The following PNPLA7 variants were observed in gnomAD, a reference collection of about 807,000 sequenced individuals.
PNPLA7 encodes the protein patatin like domain 7, lysophospholipase.
Under a neutral mutation model 161.7 loss-of-function variants are expected in PNPLA7, and 153 were observed. The ratio of observed to expected loss-of-function variants is 0.95; its 90% CI spans 0.83 to 1.08. The LOEUF (loss-of-function observed/expected upper bound fraction) is 1.08. PNPLA7 is among the 50% of genes least tolerant of loss of function. The pLI is 0.00. For missense variants in PNPLA7, 1,739 were observed against 1,856.6 expected (o/e 0.94, Z 1.16); for synonymous variants, 809 against 782.1 (o/e 1.03, Z -0.57).
At position 137,460,714 on chromosome 9, in the gene PNPLA7, A is replaced by G; in HGVS notation, c.3865T>C (p.Tyr1289His). The change falls in exon 34 of 35, where the codon TAC becomes CAC. Residue 1289 changes from tyrosine to histidine, a missense_variant. Physicochemically the swap from Tyr to His is moderately conservative, Grantham distance 83. Around this residue, in one of 6 missense-constraint regions of PNPLA7, gnomAD observed 703 missense variants for 694.6 expected, o/e 1.01. Coordinates refer to ENST00000406427, the MANE Select transcript of PNPLA7 (RefSeq NM_001098537.3). ...VDDESDYQTE[Y>H]EEELLDVPRD... Reference sequence around the variant, plus strand: ...GGGACGTCCAGCAGCTCCTCCTCGTACTCCGTCTGGTAGTCAGATTCGTCT... The same window carrying G: ...GGGACGTCCAGCAGCTCCTCCTCGTGCTCCGTCTGGTAGTCAGATTCGTCT... The G allele has an allele frequency of 6.2e-7, 1 of 1,612,424 alleles. No homozygotes were observed. Among genetic ancestry groups the G allele is most frequent in the Non-Finnish European group, 8.5e-7 (1 of 1,179,840 alleles).
At chr9:137,479,016 C>A in intron 24 of PNPLA7, 40 bp downstream of exon 24, 1 of 1,508,106 alleles carries the variant, frequency 6.6e-7, no homozygotes, top group South Asian at 1.3e-5. Flanking sequence ...GGAAATGAAC[C>A]ACGGAGCCAC....
At chr9:137,475,165 G>A (rs555132273) in intron 25 of PNPLA7, among the ~76,000 whole-genome samples, 4 of 152,102 alleles carry the variant, frequency 2.6e-5, no homozygotes, top group Admixed American at 6.5e-5. Flanking sequence ...AGTGTCAGTG[G>A]ATGCAAAAAG....
chr9:137,470,021 T>C (rs1831639306), intron 25 of PNPLA7, among the ~76,000 whole-genome samples: 1 of 152,164 alleles, frequency 6.6e-6, no homozygotes, highest in African/African-American at 2.4e-5. Context: ...AAATTTAATC[T>C]ATTTATTTTT....
At chr9:137,479,462 G>C (rs1832101256) in intron 23 of PNPLA7, 2 of 1,237,958 alleles carry the variant, frequency 1.6e-6, no homozygotes. Flanking sequence ...TACGGCAGGA[G>C]GGGGACGCCT....
At chr9:137,502,608 G>T (rs1204168959) in intron 14 of PNPLA7, among the ~76,000 whole-genome samples, 3 of 130,752 alleles carry the variant, frequency 2.3e-5, no homozygotes, top group Non-Finnish European at 3.2e-5. Flanking sequence ...AGGAGCCGTG[G>T]GAGGTTCTTC....
rs751169048 is a variant in PNPLA7, at chr9:137,484,812, C to T, written c.2198-76G>A. 9.9e-5 allele frequency: 145 copies of T among 1,469,006 alleles called. 1 individual carries two copies. The highest frequency in any genetic ancestry group is 8.5e-4 in the East Asian group (34 of 39,878). The allele number at this position is 1,469,006 out of a possible 1,614,324, so 91.0% of individuals were successfully genotyped here. Reference sequence around the variant, plus strand: ...TGCCTCCAGATGCCCTGGGGCCCCCCGAGGCTGCACAGGAGCAACGCAGCA... The same window carrying T: ...TGCCTCCAGATGCCCTGGGGCCCCCTGAGGCTGCACAGGAGCAACGCAGCA... On this transcript the variant is annotated intron_variant, in intron 20 of 34. Transcript: ENST00000406427.
At chr9:137,491,695 T>G in intron 20 of PNPLA7, 2 of 985,464 alleles carry the variant, frequency 2.0e-6, no homozygotes, top group Non-Finnish European at 2.4e-6. Context: ...GGCTCACACT[T>G]CGCTGCCTCT....
intron 29 of PNPLA7, 84 bp downstream of exon 29, chr9:137,463,331 C>G: frequency 8.2e-7 from 1 of 1,218,964 alleles, no homozygotes; most frequent in Non-Finnish European, 1.2e-6. Context: ...CTTCTTGGAG[C>G]GGAGGCAGCT....
chr9:137,532,708 C>T (rs1356703736), intron 8 of PNPLA7, among the ~76,000 whole-genome samples: 1 of 152,146 alleles, frequency 6.6e-6, no homozygotes. Flanking sequence ...CAGAACGAGG[C>T]TAACATGCAG....
chr9:137,483,386 C>T (rs746242758), intron 21 of PNPLA7, among the ~76,000 whole-genome samples: 5 of 152,164 alleles, frequency 3.3e-5, no homozygotes, highest in African/African-American at 7.2e-5. Flanking sequence ...TGTCATGTAA[C>T]GACGGTCAAG....
At chr9:137,469,821 G>T (rs1384459862) in intron 25 of PNPLA7, among the ~76,000 whole-genome samples, 1 of 152,102 alleles carries the variant, frequency 6.6e-6, no homozygotes, top group East Asian at 1.9e-4. Context: ...AAGAGAGAAA[G>T]CATCAATGAT....
chr9:137,480,275 G>C (rs374467364), intron 23 of PNPLA7, 37 bp downstream of exon 23: 341 of 1,593,828 alleles, frequency 2.1e-4, no homozygotes, highest in Non-Finnish European at 2.7e-4. Flanking sequence ...CTGAAGAGAG[G>C]GCTCTCCCCA....
intron 18 of PNPLA7, 115 bp from the exon 19 acceptor site, chr9:137,495,261 C>T (rs571499913): frequency 1.9e-5 from 13 of 682,856 alleles, no homozygotes; most frequent in African/African-American, 7.2e-5. Flanking sequence ...CCATCCACAC[C>T]GCAAGGCGGA....
chr9:137,464,045 C>T, intron 28 of PNPLA7, 81 bp downstream of exon 28: 1 of 1,497,650 alleles, frequency 6.7e-7, no homozygotes, highest in Non-Finnish European at 9.1e-7. Context: ...CCGCGGCCTT[C>T]CCAACCCCTG....
At chr9:137,505,537 C>G in intron 14 of PNPLA7, 77 bp downstream of exon 14, 1 of 1,552,724 alleles carries the variant, frequency 6.4e-7, no homozygotes, top group Non-Finnish European at 8.8e-7. Flanking sequence ...CACCTGGAAC[C>G]ACTGCCCAAC....
chr9:137,548,743 A>C (rs1373600767), intron 1 of PNPLA7, among the ~76,000 whole-genome samples: 4 of 152,164 alleles, frequency 2.6e-5, no homozygotes, highest in Non-Finnish European at 5.9e-5. Context: ...GCGAGACTCC[A>C]TCTCAAAAAA....
At chr9:137,530,983 C>G (rs893420997) in intron 8 of PNPLA7, among the ~76,000 whole-genome samples, 1 of 152,196 alleles carries the variant, frequency 6.6e-6, no homozygotes, top group African/African-American at 2.4e-5. Flanking sequence ...ATCGAGCACA[C>G]CAGATACTCA....
chr9:137,516,288 G>A (rs542043657), intron 11 of PNPLA7: 1 of 981,262 alleles, frequency 1.0e-6, no homozygotes, highest in Non-Finnish European at 1.2e-6. Context: ...GGCCACGCAG[G>A]GCTGCATCTG....
chr9:137,475,304 G>A (rs1345623560), intron 25 of PNPLA7, among the ~76,000 whole-genome samples: 2 of 152,200 alleles, frequency 1.3e-5, no homozygotes, highest in African/African-American at 4.8e-5. Context: ...TTGAAGCTGG[G>A]AGTTGAGGCT....
Sources: allele counts gnomAD v4.1 joint callset (sites outside exome capture counted in the v4.1 genomes callset), GRCh38; gene constraint gnomAD v4.1.1; regional missense constraint gnomAD v4.1.1; transcripts MANE v1.5; gene names NCBI Gene and HGNC (gene_info 2026-07-23, HGNC 2026-07-21).